HHAT: variants seen among roughly 807,000 people sequenced by gnomAD.
HHAT encodes the protein protein-cysteine N-palmitoyltransferase HHAT.
In HHAT, 47 loss-of-function variants were observed where a neutral mutation model predicts 70.8. The observed-to-expected ratio is 0.66, with a 90% CI of 0.53 to 0.85. The LOEUF is 0.85. Among genes scored for constraint, HHAT ranks in the 40% least tolerant of loss-of-function variants. HHAT has a pLI of 0.00. For synonymous variants in HHAT, 228 were observed against 247.6 expected, an observed-to-expected ratio of 0.92 and a Z score of 0.74; for missense variants, 609 against 604.8, an observed-to-expected ratio of 1.01 and a Z score of -0.07.
rs990854625 is a variant in HHAT, at chr1:210,375,021, A to G, written c.159+12102A>G. ...AGCTCCCCAGTGGGGAATCTTCCAT[A>G]GTGAACTCAAACCCAGGAACTTGAC... On this transcript the variant is annotated intron_variant, in intron 3 of 11. Coordinates refer to ENST00000261458, the MANE Select transcript of HHAT (RefSeq NM_018194.6). Among the ~76,000 whole-genome samples the G allele has an allele frequency of 2.6e-5, 4 of 152,356 alleles. No individual in the cohort carries two copies. The East Asian group carries it at 7.7e-4, about 29-fold the overall frequency.
chr1:210,430,196 G>C (rs1037465753), intron 7 of HHAT, among the ~76,000 whole-genome samples: 1 of 151,822 alleles, frequency 6.6e-6, no homozygotes, highest in Non-Finnish European at 1.5e-5. Context: ...TTCTCTTGAT[G>C]AGCCTTTATT....
intron 1 of HHAT, among the ~76,000 whole-genome samples, chr1:210,333,571 A>C (rs766657633): frequency 1.3e-5 from 2 of 152,150 alleles, no homozygotes; most frequent in Non-Finnish European, 2.9e-5. Context: ...TGTAAATGGT[A>C]TTTTGTAGTA....
At chr1:210,663,405 C>T (rs1437910692) in intron 11 of HHAT, among the ~76,000 whole-genome samples, 2 of 152,204 alleles carry the variant, frequency 1.3e-5, no homozygotes, top group African/African-American at 2.4e-5. Context: ...CAAGCTGCTG[C>T]TGTCTGAGCT....
chr1:210,651,840 T>C (rs1675225160), intron 11 of HHAT, among the ~76,000 whole-genome samples: 1 of 152,222 alleles, frequency 6.6e-6, no homozygotes, highest in South Asian at 2.1e-4. Context: ...AAAGCAGCCC[T>C]GGTGGCCTCT....
At chr1:210,457,346 G>A (rs2093891125) in intron 7 of HHAT, among the ~76,000 whole-genome samples, 1 of 152,072 alleles carries the variant, frequency 6.6e-6, no homozygotes, top group Admixed American at 6.5e-5. Context: ...TTAAAAAAAA[G>A]TCTAAGCTTC....
At chr1:210,662,666 G>GT (rs1342886014) in intron 11 of HHAT, among the ~76,000 whole-genome samples, 6 of 151,436 alleles carry the variant, frequency 4.0e-5, no homozygotes, top group Admixed American at 2.0e-4. Context: ...GAAAATATTT[G>GT]TTTTTTTTCA....
At chr1:210,369,545 C>T (rs1043907207) in intron 3 of HHAT, among the ~76,000 whole-genome samples, 4 of 152,230 alleles carry the variant, frequency 2.6e-5, no homozygotes, top group African/African-American at 9.6e-5. Flanking sequence ...CATTTTGACT[C>T]ATTTAACACA....
intron 7 of HHAT, among the ~76,000 whole-genome samples, chr1:210,423,256 T>C (rs1384443680): frequency 6.6e-6 from 1 of 152,210 alleles, no homozygotes; most frequent in Non-Finnish European, 1.5e-5. Flanking sequence ...ACTTTCATAA[T>C]AGTCATCCTA....
At chr1:210,428,481 A>G (rs903677056) in intron 7 of HHAT, among the ~76,000 whole-genome samples, 9 of 151,084 alleles carry the variant, frequency 6.0e-5, no homozygotes, top group African/African-American at 2.2e-4. Flanking sequence ...CCAAGCTGGT[A>G]TCCAATCTAG....
chr1:210,358,724 CTG>C (rs1326271281), intron 2 of HHAT, among the ~76,000 whole-genome samples: 1 of 152,120 alleles, frequency 6.6e-6, no homozygotes, highest in Non-Finnish European at 1.5e-5. Flanking sequence ...TGCCCCATGA[CTG>C]GGTGTGCTGC....
At chr1:210,483,434 C>T (rs759067953) in intron 8 of HHAT, among the ~76,000 whole-genome samples, 7 of 152,106 alleles carry the variant, frequency 4.6e-5, no homozygotes, top group Non-Finnish European at 1.0e-4. Context: ...TTAAGTCAGC[C>T]GCTGGCTATG....
intron 8 of HHAT, among the ~76,000 whole-genome samples, chr1:210,492,588 G>A (rs758095307): frequency 6.6e-6 from 1 of 152,144 alleles, no homozygotes. Flanking sequence ...AAATACCCAT[G>A]CTCTGTGAAA....
chr1:210,664,370 G>A (rs1231757405), intron 11 of HHAT, among the ~76,000 whole-genome samples: 1 of 152,220 alleles, frequency 6.6e-6, no homozygotes, highest in Non-Finnish European at 1.5e-5. Context: ...TCTGAACATG[G>A]TTAAACTAAG....
chr1:210,464,893 C>G, intron 8 of HHAT, among the ~76,000 whole-genome samples: 1 of 152,094 alleles, frequency 6.6e-6, no homozygotes, highest in East Asian at 1.9e-4. Context: ...AGTCTGTGTA[C>G]CGATGCACAA....
At chr1:210,653,484 C>T (rs1420860002) in intron 11 of HHAT, among the ~76,000 whole-genome samples, 2 of 149,634 alleles carry the variant, frequency 1.3e-5, no homozygotes, top group Non-Finnish European at 3.0e-5. Flanking sequence ...GAGCTGAGAT[C>T]GCACCACTGC....
chr1:210,456,702 G>T (rs533200013), intron 7 of HHAT, among the ~76,000 whole-genome samples: 2 of 152,324 alleles, frequency 1.3e-5, no homozygotes, highest in South Asian at 4.1e-4. Context: ...GAGCTCAGAA[G>T]TGGGGACACT....
chr1:210,481,833 G>T (rs1375671890), intron 8 of HHAT, among the ~76,000 whole-genome samples: 2 of 152,222 alleles, frequency 1.3e-5, no homozygotes, highest in African/African-American at 4.8e-5. Flanking sequence ...CATTGAGAAG[G>T]TGATATCTGA....
chr1:210,357,591 G>A (rs2087778396), intron 2 of HHAT, among the ~76,000 whole-genome samples: 1 of 152,196 alleles, frequency 6.6e-6, no homozygotes, highest in Admixed American at 6.5e-5. Context: ...GGAGGCCGAG[G>A]CGGGTGGATA....
intron 6 of HHAT, among the ~76,000 whole-genome samples, chr1:210,406,293 CAG>C (rs1188741872): frequency 6.6e-6 from 1 of 152,164 alleles, no homozygotes; most frequent in Non-Finnish European, 1.5e-5. Flanking sequence ...TAGAAGGAAA[CAG>C]ATTATTTTCC....
Sources: gnomAD v4.1 joint callset for allele counts (sites outside exome capture counted in the v4.1 genomes callset) on GRCh38, gnomAD v4.1.1 for gene constraint, MANE v1.5 for transcripts, NCBI Gene and HGNC (gene_info 2026-07-23, HGNC 2026-07-21) for gene names.